CAMK1D: variants seen among roughly 807,000 people sequenced by gnomAD.
The protein encoded by CAMK1D is calcium/calmodulin-dependent protein kinase type 1D.
CAMK1D carries 9 observed loss-of-function variants against 47.7 expected under a neutral mutation model. The ratio of observed to expected loss-of-function variants is 0.19; its 90% confidence interval spans 0.11 to 0.33. CAMK1D has a LOEUF of 0.33. CAMK1D is among the 10% of genes least tolerant of loss of function. The pLI is 1.00. For synonymous variants in CAMK1D, 184 were observed against 184.9 expected (o/e 0.99, Z 0.04); for missense variants, 291 against 488.7 (o/e 0.60, Z 3.81).
chr10:12,361,920 A>G (rs879516760), intron 1 of CAMK1D, among the ~76,000 whole-genome samples: 3 of 151,868 alleles, frequency 2.0e-5, no homozygotes, highest in Non-Finnish European at 4.4e-5. Context: ...TAGCTGGCTG[A>G]TATTACCTAA....
At chr10:12,823,430 C>T (rs1031842767) in intron 8 of CAMK1D, among the ~76,000 whole-genome samples, 8 of 151,942 alleles carry the variant, frequency 5.3e-5, no homozygotes, top group African/African-American at 1.9e-4. Flanking sequence ...CACAGAGGCC[C>T]AGGGGGAAAA....
At chr10:12,736,897 G>A (rs927260980) in intron 3 of CAMK1D, among the ~76,000 whole-genome samples, 1 of 152,180 alleles carries the variant, frequency 6.6e-6, no homozygotes, top group Non-Finnish European at 1.5e-5. Flanking sequence ...CTGGCTTTCC[G>A]GTCTTCTCCT....
intron 1 of CAMK1D, among the ~76,000 whole-genome samples, chr10:12,446,751 C>A (rs761462127): frequency 2.0e-4 from 31 of 152,168 alleles, no homozygotes; most frequent in African/African-American, 7.2e-4. Context: ...AGCTCTATGC[C>A]GGTGATTCCC....
At chr10:12,532,114 C>T (rs2768465) in intron 1 of CAMK1D, among the ~76,000 whole-genome samples, 92,025 of 152,034 alleles carry the variant, frequency 0.61, 27,957 homozygotes, top group South Asian at 0.73. Flanking sequence ...TAAATCATTC[C>T]TATAACAGAA....
At chr10:12,671,232 T>C (rs1356966612) in intron 3 of CAMK1D, among the ~76,000 whole-genome samples, 1 of 152,244 alleles carries the variant, frequency 6.6e-6, no homozygotes, top group African/African-American at 2.4e-5. Flanking sequence ...TCTCACTTTT[T>C]GGCTAATATG....
At chr10:12,391,317 T>C (rs1202295604) in intron 1 of CAMK1D, among the ~76,000 whole-genome samples, 2 of 152,192 alleles carry the variant, frequency 1.3e-5, no homozygotes, top group Admixed American at 6.5e-5. Context: ...CAGGGGATTG[T>C]CTGTGGGAAT....
intron 1 of CAMK1D, among the ~76,000 whole-genome samples, chr10:12,413,296 C>T (rs1839728011): frequency 6.6e-6 from 1 of 152,178 alleles, no homozygotes. Flanking sequence ...CAAGAACTCA[C>T]TGTCAGGAAG....
intron 1 of CAMK1D, among the ~76,000 whole-genome samples, chr10:12,477,579 G>C (rs1393443648): frequency 1.3e-5 from 2 of 152,194 alleles, no homozygotes; most frequent in Non-Finnish European, 1.5e-5. Context: ...GGAAGAACGG[G>C]ATTTAGGTAG....
intron 1 of CAMK1D, among the ~76,000 whole-genome samples, chr10:12,428,430 G>A (rs1340457083): frequency 1.3e-5 from 2 of 151,990 alleles, no homozygotes; most frequent in East Asian, 1.9e-4. Context: ...CTCCACGTTC[G>A]ACATTCTATC....
rs11373354 is a variant in CAMK1D, at chr10:12,531,056, TA to T, written c.93-22153del. Among the ~76,000 whole-genome samples the T allele has an allele frequency of 6.6e-4, 93 of 141,064 alleles. 1 individual carries two copies. The highest frequency in any genetic ancestry group is 1.5e-3 in the East Asian group (7 of 4,786). 92.5% of individuals were successfully genotyped at this position (141,064 alleles called of 152,430 possible). A position where few individuals can be genotyped will look rare whatever the true frequency, so the allele number is the denominator to read the frequency against. On this transcript the variant is annotated intron_variant, in intron 1 of 10. Coordinates refer to ENST00000619168, the MANE Select transcript of CAMK1D (RefSeq NM_153498.4). ...CTGGAAGACAGGGTGAGACTCTGCT[TA>T]AAAAAAAAAAAAAAAGTTGAGATTG...
At chr10:12,579,673 C>T (rs1253569301) in intron 2 of CAMK1D, among the ~76,000 whole-genome samples, 1 of 152,100 alleles carries the variant, frequency 6.6e-6, no homozygotes, top group Non-Finnish European at 1.5e-5. Flanking sequence ...AAATCTTGAC[C>T]ATCTCTCAAG....
At chr10:12,531,841 C>G (rs1835815947) in intron 1 of CAMK1D, among the ~76,000 whole-genome samples, 1 of 152,192 alleles carries the variant, frequency 6.6e-6, no homozygotes, top group South Asian at 2.1e-4. Flanking sequence ...GTCTTCCTAC[C>G]TGGGTGGTTG....
chr10:12,812,435 G>A (rs1832643674), intron 6 of CAMK1D, among the ~76,000 whole-genome samples: 1 of 152,134 alleles, frequency 6.6e-6, no homozygotes, highest in Non-Finnish European at 1.5e-5. Context: ...GGCCAACATG[G>A]CGAAACTCCA....
chr10:12,769,603 G>A lies in CAMK1D; in HGVS notation c.439-70G>A. 4 of 1,558,140 alleles carry A rather than the reference G, an allele frequency of 2.6e-6. No homozygotes were observed. The South Asian group carries it at 4.7e-5, about 18-fold the overall frequency. On this transcript the variant is annotated intron_variant, in intron 4 of 10. Coordinates refer to ENST00000619168, the MANE Select transcript of CAMK1D (RefSeq NM_153498.4). ...GACGTTGTGAATAGGTTTTGCAGCT[G>A]AATGAGTCTTCCACAATTAACCCAG...
rs149465464 is a variant in CAMK1D at position 12,534,682 on chromosome 10, A to T, written c.93-18543A>T. 1.3e-4 allele frequency among the ~76,000 whole-genome samples: 20 copies of T among 152,316 alleles called. No individual in the cohort carries two copies. The East Asian group carries it at 3.9e-3, about 29-fold the overall frequency. On this transcript the variant is annotated intron_variant, in intron 1 of 10. Transcript: ENST00000619168. ...CGCCTGGCCAAACCTCCACATTTTAATAGCTTAACAAAATAAGCCATTATT... is the reference window on the plus strand; with the variant it reads ...CGCCTGGCCAAACCTCCACATTTTATTAGCTTAACAAAATAAGCCATTATT...
chr10:12,604,741 G>A (rs1419706231), intron 2 of CAMK1D, among the ~76,000 whole-genome samples: 1 of 152,092 alleles, frequency 6.6e-6, no homozygotes, highest in Non-Finnish European at 1.5e-5. Flanking sequence ...CCCTGTAGGT[G>A]CCAGGAGCTC....
Position 12,763,357 on chromosome 10 carries a change from A to C in CAMK1D, c.438+2271A>C, listed in dbSNP as rs760643942. On this transcript the variant is annotated intron_variant, in intron 4 of 10. Transcript: ENST00000619168. ...AATTTAAGCTTAGTGCAGCAATCGG[A>C]ATACTGCCCCAGCCTACCTGCAAAT... Among the ~76,000 whole-genome samples the C allele has an allele frequency of 2.0e-5, 3 of 152,232 alleles. No homozygotes were observed. The South Asian group carries it at 6.2e-4, about 31-fold the overall frequency.
chr10:12,732,400 GTAT>G (rs1265178642), intron 3 of CAMK1D, among the ~76,000 whole-genome samples: 3 of 152,142 alleles, frequency 2.0e-5, no homozygotes, highest in Non-Finnish European at 4.4e-5. Context: ...CATGATCTGT[GTAT>G]TATTAGTCCA....
intron 2 of CAMK1D, among the ~76,000 whole-genome samples, chr10:12,554,703 A>AT (rs1331852528): frequency 1.7e-5 from 2 of 120,782 alleles, no homozygotes; most frequent in African/African-American, 5.6e-5. Flanking sequence ...TGCCTGGCTA[A>AT]TTAAAAAAAA....
Sources: allele counts gnomAD v4.1 joint callset (sites outside exome capture counted in the v4.1 genomes callset), GRCh38; gene constraint gnomAD v4.1.1; transcripts MANE v1.5; gene names NCBI Gene and HGNC (gene_info 2026-07-23, HGNC 2026-07-21).